MTR: variants seen among roughly 807,000 people sequenced by gnomAD.
MTR encodes methionine synthase.
In MTR, 84 loss-of-function variants were observed where a neutral mutation model predicts 154.8. The ratio of observed to expected loss-of-function variants is 0.54; its 90% CI spans 0.45 to 0.65. The LOEUF is 0.65. Ranked by LOEUF, MTR falls within the 30% of genes least tolerant of loss-of-function variation. MTR has a pLI of 0.00. For synonymous variants in MTR, 554 were observed against 553.9 expected, an observed-to-expected ratio of 1.00 and a Z score of 0.00; for missense variants, 1,275 against 1,570.2, an observed-to-expected ratio of 0.81 and a Z score of 3.18.
intron 1 of MTR, among the ~76,000 whole-genome samples, chr1:236,796,821 G>A (rs892677730): frequency 1.3e-5 from 2 of 151,070 alleles, no homozygotes; most frequent in African/African-American, 4.9e-5. Flanking sequence ...CCCTATAAGA[G>A]ATTTATATCT....
intron 18 of MTR, 29 bp downstream of exon 18, chr1:236,853,117 A>T (rs187416790): frequency 6.2e-7 from 1 of 1,612,080 alleles, no homozygotes. Context: ...TAATAGATGG[A>T]TTTTTCCTAT....
intron 18 of MTR, 75 bp downstream of exon 18, chr1:236,853,163 T>G: frequency 1.4e-6 from 2 of 1,470,116 alleles, no homozygotes; most frequent in Non-Finnish European, 1.9e-6. Context: ...TTAGTAGACC[T>G]TCATGGTGGA....
chr1:236,816,625 A>G, intron 8 of MTR, 82 bp downstream of exon 8: 1 of 1,136,054 alleles, frequency 8.8e-7, no homozygotes, highest in Non-Finnish European at 1.3e-6. Context: ...CTGGGAGGGG[A>G]TTGCTTCTAC....
chr1:236,822,170 C>T (rs1661995531), intron 8 of MTR, among the ~76,000 whole-genome samples: 1 of 152,120 alleles, frequency 6.6e-6, no homozygotes, highest in African/African-American at 2.4e-5. Flanking sequence ...TATTGTCTTC[C>T]TCTTCATAAA....
intron 18 of MTR, among the ~76,000 whole-genome samples, chr1:236,853,410 A>T (rs1664032027): frequency 6.6e-6 from 1 of 152,260 alleles, no homozygotes. Context: ...GGAAGAAAAT[A>T]AAAATCACTT....
chr1:236,891,359 C>A (rs1247511828), intron 29 of MTR, 30 bp downstream of exon 29: 2 of 1,601,572 alleles, frequency 1.2e-6, no homozygotes, highest in East Asian at 4.5e-5. Context: ...AGCCAGCACA[C>A]CGCTTTCGCT....
intron 27 of MTR, among the ~76,000 whole-genome samples, chr1:236,886,750 G>T (rs1410563319): frequency 2.0e-5 from 3 of 152,186 alleles, no homozygotes; most frequent in Admixed American, 6.5e-5. Context: ...GCTTGCGTGG[G>T]TCCCCGTCTC....
chr1:236,842,126 C>T (rs923382007), intron 15 of MTR, among the ~76,000 whole-genome samples: 6 of 152,126 alleles, frequency 3.9e-5, no homozygotes, highest in African/African-American at 7.2e-5. Flanking sequence ...CTCCTGACCT[C>T]GTGATCCGCC....
intron 22 of MTR, among the ~76,000 whole-genome samples, chr1:236,873,490 A>G (rs925161573): frequency 3.9e-5 from 6 of 152,244 alleles, no homozygotes; most frequent in Non-Finnish European, 8.8e-5. Context: ...ATAACATACC[A>G]GAAACCATTG....
intron 28 of MTR, among the ~76,000 whole-genome samples, chr1:236,890,464 A>G (rs1666255112): frequency 6.6e-6 from 1 of 152,152 alleles, no homozygotes; most frequent in Non-Finnish European, 1.5e-5. Context: ...GTACACATAC[A>G]ATTCCACTGA....
At chr1:236,865,299 A>G (rs924353448) in intron 22 of MTR, among the ~76,000 whole-genome samples, 3 of 152,268 alleles carry the variant, frequency 2.0e-5, no homozygotes, top group African/African-American at 4.8e-5. Context: ...TGAATGTGCA[A>G]ACTTCATGTC....
intron 15 of MTR, among the ~76,000 whole-genome samples, chr1:236,839,565 G>A (rs562571529): frequency 1.3e-4 from 20 of 152,230 alleles, no homozygotes; most frequent in African/African-American, 4.8e-4. Flanking sequence ...TGGGGCACAT[G>A]GGAAGCTTCA....
At chr1:236,891,928 T>C (rs941742601) in intron 29 of MTR, among the ~76,000 whole-genome samples, 4 of 152,250 alleles carry the variant, frequency 2.6e-5, no homozygotes, top group Non-Finnish European at 5.9e-5. Context: ...AGCCTGTACA[T>C]ATCCCCAGTG....
intron 15 of MTR, among the ~76,000 whole-genome samples, 168 bp from the exon 16 acceptor site, chr1:236,850,176 C>T (rs963066133): frequency 6.6e-6 from 1 of 151,896 alleles, no homozygotes; most frequent in Non-Finnish European, 1.5e-5. Flanking sequence ...TCTGTGAAAT[C>T]CAAGCATTGA....
intron 10 of MTR, among the ~76,000 whole-genome samples, chr1:236,825,811 G>C (rs973461432): frequency 1.3e-4 from 20 of 152,272 alleles, no homozygotes; most frequent in African/African-American, 4.6e-4. Flanking sequence ...TTAAATCCTA[G>C]GTCATGAGAC....
intron 3 of MTR, among the ~76,000 whole-genome samples, chr1:236,808,337 A>G (rs1291330336): frequency 2.0e-5 from 3 of 152,090 alleles, no homozygotes; most frequent in East Asian, 3.9e-4. Flanking sequence ...CTAGTGCTTG[A>G]ACCTGCGTGT....
At chr1:236,893,013 G>T (rs1198619240) in intron 29 of MTR, among the ~76,000 whole-genome samples, 1 of 152,110 alleles carries the variant, frequency 6.6e-6, no homozygotes, top group Admixed American at 6.5e-5. Flanking sequence ...CTTTCCTCCA[G>T]TGCACTCTGG....
intron 28 of MTR, among the ~76,000 whole-genome samples, chr1:236,890,760 T>G (rs538256823): frequency 1.9e-4 from 29 of 152,172 alleles, no homozygotes; most frequent in Non-Finnish European, 2.8e-4. Context: ...CTCCCAGAGG[T>G]CACTGCAAAG....
At chr1:236,890,553 C>T (rs905563793) in intron 28 of MTR, among the ~76,000 whole-genome samples, 15 of 152,244 alleles carry the variant, frequency 9.9e-5, no homozygotes, top group East Asian at 1.9e-4. Context: ...TGGGCCTGGA[C>T]GCATACAGTG....
Sources: gnomAD v4.1 joint callset for allele counts (sites outside exome capture counted in the v4.1 genomes callset) on GRCh38, gnomAD v4.1.1 for gene constraint, MANE v1.5 for transcripts, NCBI Gene and HGNC (gene_info 2026-07-23, HGNC 2026-07-21) for gene names.